Variants in MYO3B observed in about 807,000 individuals in gnomAD.
MYO3B encodes myosin IIIB.
MYO3B carries 156 observed loss-of-function variants against 174.6 expected under a neutral mutation model. That is an observed-to-expected ratio of 0.89 (90% CI 0.78 to 1.02). The LOEUF is 1.02. Among genes scored for constraint, MYO3B ranks in the 50% least tolerant of loss-of-function variants. The probability of loss-of-function intolerance (pLI) is 0.00; values close to 1 mark genes in which losing one functional copy is unlikely to be tolerated. For synonymous variants in MYO3B, 563 were observed against 569.1 expected, an observed-to-expected ratio of 0.99 and a Z score of 0.15; for missense variants, 1,632 against 1,639.4, an observed-to-expected ratio of 1.00 and a Z score of 0.08.
intron 30 of MYO3B, among the ~76,000 whole-genome samples, chr2:170,520,444 TACACATATATATATACAC>T (rs896871222): frequency 6.7e-6 from 1 of 149,372 alleles, no homozygotes; most frequent in Non-Finnish European, 1.5e-5. Context: ...TGTATATATA[TACACATATATATATACAC>T]ACACATATAT....
chr2:170,325,351 G>A (rs1206587656), intron 7 of MYO3B, among the ~76,000 whole-genome samples: 1 of 151,994 alleles, frequency 6.6e-6, no homozygotes, highest in African/African-American at 2.4e-5. Flanking sequence ...GGGATTACAG[G>A]CACCCACCAC....
intron 7 of MYO3B, among the ~76,000 whole-genome samples, chr2:170,321,636 G>A (rs2105496541): frequency 6.6e-6 from 1 of 152,304 alleles, no homozygotes; most frequent in South Asian, 2.1e-4. Flanking sequence ...CAACTAGAGT[G>A]AAGTGAGAGA....
intron 16 of MYO3B, among the ~76,000 whole-genome samples, chr2:170,399,770 G>A (rs2094463422): frequency 6.6e-6 from 1 of 152,206 alleles, no homozygotes; most frequent in South Asian, 2.1e-4. Flanking sequence ...GCTGAAAGTG[G>A]CTTAAAGAAC....
intron 32 of MYO3B, among the ~76,000 whole-genome samples, chr2:170,617,527 CA>C (rs1175247321): frequency 6.6e-6 from 1 of 152,094 alleles, no homozygotes; most frequent in Non-Finnish European, 1.5e-5. Context: ...TTTGAGGTGA[CA>C]AAGTGGATTT....
intron 6 of MYO3B, among the ~76,000 whole-genome samples, chr2:170,232,889 A>G (rs1341513890): frequency 3.9e-5 from 6 of 152,240 alleles, no homozygotes; most frequent in Non-Finnish European, 8.8e-5. Context: ...TACATGATGC[A>G]CTGAAGAGAA....
intron 7 of MYO3B, among the ~76,000 whole-genome samples, chr2:170,244,513 T>C (rs1301795467): frequency 6.6e-6 from 1 of 152,152 alleles, no homozygotes; most frequent in Non-Finnish European, 1.5e-5. Flanking sequence ...CAAGTGAGAC[T>C]GCTGCCCCAC....
chr2:170,415,335 T>G (rs1338891057), intron 22 of MYO3B, among the ~76,000 whole-genome samples: 3 of 152,250 alleles, frequency 2.0e-5, no homozygotes, highest in African/African-American at 7.2e-5. Flanking sequence ...TTTCTGGCTA[T>G]CCTATCTAAA....
At chr2:170,283,070 A>G (rs560454774) in intron 7 of MYO3B, among the ~76,000 whole-genome samples, 11 of 152,272 alleles carry the variant, frequency 7.2e-5, no homozygotes, top group African/African-American at 2.2e-4. Context: ...ACCCTGGGCT[A>G]GGATGCAGTT....
chr2:170,357,879 G>T (rs538373900), intron 8 of MYO3B, among the ~76,000 whole-genome samples: 1 of 152,182 alleles, frequency 6.6e-6, no homozygotes, highest in African/African-American at 2.4e-5. Flanking sequence ...CCAGCTGGGC[G>T]CAGTGGCTCA....
chr2:170,187,473 C>G (rs2092480754), intron 1 of MYO3B, among the ~76,000 whole-genome samples: 1 of 152,202 alleles, frequency 6.6e-6, no homozygotes, highest in African/African-American at 2.4e-5. Flanking sequence ...CTCAAGTGAC[C>G]TGCCTGCTTC....
At chr2:170,599,715 T>C (rs1176512544) in intron 32 of MYO3B, among the ~76,000 whole-genome samples, 1 of 152,174 alleles carries the variant, frequency 6.6e-6, no homozygotes, top group Non-Finnish European at 1.5e-5. Context: ...GCCACTGCAC[T>C]CTAGCCTGGG....
intron 7 of MYO3B, among the ~76,000 whole-genome samples, chr2:170,248,598 A>G (rs1035884092): frequency 6.6e-6 from 1 of 152,154 alleles, no homozygotes; most frequent in Non-Finnish European, 1.5e-5. Context: ...TCCAGCTTCT[A>G]GAAGTTGCCT....
intron 21 of MYO3B, 112 bp from the exon 22 acceptor site, chr2:170,407,603 T>A: frequency 1.0e-4 from 43 of 430,568 alleles, no homozygotes; most frequent in Non-Finnish European, 1.3e-4. Context: ...GAAAGCTATG[T>A]AAAGATGAGT....
chr2:170,466,795 C>T lies in MYO3B; in HGVS notation c.3014+84C>T, dbSNP rs1438642068. On this transcript the variant is annotated intron_variant, in intron 25 of 34. Transcript: ENST00000408978. ...CTGTGTCCTAAGATTGTTCCTCCTG[C>T]GTGCTCTCCTCCAAACATGTAATTG... is the stretch of plus-strand genomic sequence containing the variant. 36 of 1,384,820 alleles carry T rather than the reference C, an allele frequency of 2.6e-5. No individual in the cohort carries two copies. In the South Asian group the frequency reaches 3.2e-4, roughly 12 times the overall value. 85.8% of individuals were successfully genotyped at this position (1,384,820 alleles called of 1,614,324 possible).
intron 7 of MYO3B, among the ~76,000 whole-genome samples, chr2:170,267,580 G>A (rs189955782): frequency 5.3e-5 from 8 of 152,200 alleles, no homozygotes; most frequent in Admixed American, 5.2e-4. Context: ...AAGATGTGGG[G>A]GTAAGTTCCC....
chr2:170,598,356 G>C (rs1694280912), intron 32 of MYO3B, among the ~76,000 whole-genome samples: 1 of 152,212 alleles, frequency 6.6e-6, no homozygotes, highest in Non-Finnish European at 1.5e-5. Flanking sequence ...CCCCTGCAAT[G>C]CACAGTGCTT....
chr2:170,423,625 G>A (rs1404526247), intron 22 of MYO3B, among the ~76,000 whole-genome samples: 1 of 125,142 alleles, frequency 8.0e-6, no homozygotes, highest in Non-Finnish European at 1.6e-5. Context: ...ACTCTCACCA[G>A]GCCAGAGTGC....
chr2:170,615,367 C>T (rs1695389449), intron 32 of MYO3B, among the ~76,000 whole-genome samples: 1 of 152,186 alleles, frequency 6.6e-6, no homozygotes, highest in African/African-American at 2.4e-5. Context: ...GAAGGTGACA[C>T]CTACAAGTCA....
chr2:170,208,600 T>A (rs557789595), intron 3 of MYO3B, among the ~76,000 whole-genome samples: 2 of 152,330 alleles, frequency 1.3e-5, no homozygotes, highest in East Asian at 3.9e-4. Context: ...TCCTGGTTGG[T>A]TCACAGGAAC....
Sources: gnomAD v4.1 joint callset for allele counts (sites outside exome capture counted in the v4.1 genomes callset) on GRCh38, gnomAD v4.1.1 for gene constraint, MANE v1.5 for transcripts, NCBI Gene and HGNC (gene_info 2026-07-23, HGNC 2026-07-21) for gene names.